The following IL1RAPL1 variants were observed in gnomAD, a reference collection of about 807,000 sequenced individuals.
IL1RAPL1 encodes the protein interleukin-1 receptor accessory protein-like 1.
IL1RAPL1 carries 3 observed loss-of-function variants against 48.4 expected under a neutral mutation model. That is an observed-to-expected ratio of 0.06 (90% CI 0.03 to 0.16). The LOEUF (loss-of-function observed/expected upper bound fraction) is 0.16, where lower values mean the gene tolerates loss of function less well. Ranked by LOEUF, IL1RAPL1 falls within the 10% of genes least tolerant of loss-of-function variation. IL1RAPL1 has a pLI of 1.00. For missense variants in IL1RAPL1, 349 were observed against 530.6 expected, an observed-to-expected ratio of 0.66 and a Z score of 3.36; for synonymous variants, 185 against 187.7, an observed-to-expected ratio of 0.99 and a Z score of 0.12.
At chrX:29,838,352 T>G (rs1931060713) in intron 6 of IL1RAPL1, among the ~76,000 whole-genome samples, 2 of 112,335 alleles carry the variant, frequency 1.8e-5, no homozygotes. Context: ...ACACATAAAG[T>G]GAGGCTGCTA....
At chrX:29,557,978 A>T (rs1316675696) in intron 5 of IL1RAPL1, among the ~76,000 whole-genome samples, 1 of 111,506 alleles carries the variant, frequency 9.0e-6, no homozygotes, top group Non-Finnish European at 1.9e-5. Context: ...TGCTGTTGTG[A>T]ATAATACTGT....
At chrX:29,923,034 C>G (rs1369302859) in intron 8 of IL1RAPL1, among the ~76,000 whole-genome samples, 1 of 112,047 alleles carries the variant, frequency 8.9e-6, no homozygotes, top group African/African-American at 3.2e-5. Context: ...TTTTCCTTCA[C>G]TGTTACCTTT....
intron 3 of IL1RAPL1, among the ~76,000 whole-genome samples, chrX:29,341,461 C>A (rs566395092): frequency 2.7e-5 from 3 of 111,834 alleles, no homozygotes; most frequent in African/African-American, 9.7e-5. Flanking sequence ...CGTCCTTGAG[C>A]AAAACAGAGG....
chrX:28,876,581 C>T (rs1430896090), intron 2 of IL1RAPL1, among the ~76,000 whole-genome samples: 1 of 111,539 alleles, frequency 9.0e-6, no homozygotes, highest in Non-Finnish European at 1.9e-5. Flanking sequence ...ACTTGATTCC[C>T]TCCACTGGCC....
At chrX:29,063,394 T>C (rs1032112567) in intron 2 of IL1RAPL1, among the ~76,000 whole-genome samples, 5 of 111,313 alleles carry the variant, frequency 4.5e-5, no homozygotes, top group African/African-American at 1.6e-4. Context: ...CTATGCACTG[T>C]TGTAGACTCT....
chrX:29,261,769 T>A (rs1005455719), intron 2 of IL1RAPL1, among the ~76,000 whole-genome samples: 4 of 111,305 alleles, frequency 3.6e-5, no homozygotes, highest in African/African-American at 1.3e-4. Flanking sequence ...GGTTTCTTTT[T>A]GTTCTTCAGG....
intron 2 of IL1RAPL1, among the ~76,000 whole-genome samples, chrX:29,174,215 C>T (rs1263520105): frequency 2.7e-5 from 3 of 111,282 alleles, no homozygotes; most frequent in East Asian, 2.8e-4. Context: ...TGAGCCACCA[C>T]GCCCGCCACA....
At chrX:29,831,926 T>C (rs1930887849) in intron 6 of IL1RAPL1, among the ~76,000 whole-genome samples, 1 of 111,857 alleles carries the variant, frequency 8.9e-6, no homozygotes, top group Admixed American at 9.5e-5. Flanking sequence ...TTTATGATTG[T>C]AGTTAATATA....
At chrX:28,926,667 C>A (rs893654658) in intron 2 of IL1RAPL1, among the ~76,000 whole-genome samples, 5 of 111,853 alleles carry the variant, frequency 4.5e-5, no homozygotes, top group Non-Finnish European at 7.5e-5. Context: ...CACAACAATT[C>A]TCAAAGGAGA....
intron 6 of IL1RAPL1, among the ~76,000 whole-genome samples, chrX:29,758,523 G>A (rs1048615755): frequency 4.6e-5 from 5 of 109,816 alleles, no homozygotes; most frequent in African/African-American, 1.7e-4. Flanking sequence ...TGAAACCCCC[G>A]TCTCTACTAA....
chrX:29,531,393 A>G (rs754547601), intron 5 of IL1RAPL1, among the ~76,000 whole-genome samples: 84 of 111,976 alleles, frequency 7.5e-4, no homozygotes, highest in African/African-American at 2.7e-3. Flanking sequence ...TGGATTAGCC[A>G]TGTTTAGTAT....
intron 6 of IL1RAPL1, 38 bp downstream of exon 6, chrX:29,668,542 C>A: frequency 1.0e-6 from 1 of 966,218 alleles, no homozygotes; most frequent in Non-Finnish European, 1.5e-6. Context: ...ATGCTGCTCT[C>A]GTTACATTGT....
intron 2 of IL1RAPL1, among the ~76,000 whole-genome samples, chrX:29,160,504 AACT>A (rs1423349279): frequency 2.7e-5 from 3 of 111,970 alleles, no homozygotes; most frequent in African/African-American, 6.5e-5. Flanking sequence ...CTACTAATAA[AACT>A]ACTATTTTCT....
At chrX:29,246,193 C>T (rs1276526228) in intron 2 of IL1RAPL1, among the ~76,000 whole-genome samples, 1 of 85,358 alleles carries the variant, frequency 1.2e-5, no homozygotes, top group African/African-American at 4.5e-5. Flanking sequence ...TAACCTTGTG[C>T]AAGATGCCTT....
intron 3 of IL1RAPL1, among the ~76,000 whole-genome samples, chrX:29,319,287 G>C (rs1003030493): frequency 1.9e-5 from 2 of 106,623 alleles, no homozygotes; most frequent in African/African-American, 6.9e-5. Context: ...CATCTCCCAG[G>C]CTCAAATGAT....
At chrX:29,832,995 G>C (rs1310550967) in intron 6 of IL1RAPL1, among the ~76,000 whole-genome samples, 1 of 111,209 alleles carries the variant, frequency 9.0e-6, no homozygotes, top group African/African-American at 3.3e-5. Context: ...TTCTGATGAA[G>C]TAGAACACAA....
intron 5 of IL1RAPL1, among the ~76,000 whole-genome samples, chrX:29,601,478 C>G (rs775400536): frequency 1.8e-5 from 2 of 111,831 alleles, no homozygotes; most frequent in South Asian, 7.6e-4. Context: ...TAAGGTCTAT[C>G]AGTGAACATG....
intron 6 of IL1RAPL1, among the ~76,000 whole-genome samples, chrX:29,887,167 C>T (rs1932183746): frequency 1.8e-5 from 2 of 112,144 alleles, no homozygotes; most frequent in South Asian, 7.4e-4. Flanking sequence ...CTAATAAAGT[C>T]TCTCAAATTC....
chrX:29,064,552 TTTTTTGTTTTTG>T (rs200109419), intron 2 of IL1RAPL1, among the ~76,000 whole-genome samples: 252 of 108,999 alleles, frequency 2.3e-3, no homozygotes, highest in African/African-American at 7.7e-3. Flanking sequence ...TTTGTTGTTG[TTTTTTGTTTTTG>T]TTTTTGTTTT....
Sources: gnomAD v4.1 joint callset for allele counts (sites outside exome capture counted in the v4.1 genomes callset) on GRCh38, gnomAD v4.1.1 for gene constraint, MANE v1.5 for transcripts, NCBI Gene and HGNC (gene_info 2026-07-23, HGNC 2026-07-21) for gene names.